The following DDX31 variants were observed in gnomAD, a reference collection of about 807,000 sequenced individuals.
DDX31 encodes the protein DEAD-box helicase 31.
DDX31 carries 70 observed loss-of-function variants against 91.3 expected under a neutral mutation model. That is an observed-to-expected ratio of 0.77 (90% CI 0.63 to 0.94). The LOEUF is 0.94. Among genes scored for constraint, DDX31 ranks in the 40% least tolerant of loss-of-function variants. The probability of loss-of-function intolerance (pLI) is 0.00; values close to 1 mark genes in which losing one functional copy is unlikely to be tolerated. For missense variants in DDX31, 902 were observed against 925.0 expected, an observed-to-expected ratio of 0.98 and a Z score of 0.32; for synonymous variants, 362 against 350.6, an observed-to-expected ratio of 1.03 and a Z score of -0.36.
chr9:132,635,063 T>A (rs994456346), intron 14 of DDX31, among the ~76,000 whole-genome samples: 1 of 152,200 alleles, frequency 6.6e-6, no homozygotes, highest in Non-Finnish European at 1.5e-5. Flanking sequence ...TGGATTTGTC[T>A]AACTGCTTCC....
At chr9:132,606,476 G>A (rs545731682) in intron 19 of DDX31, among the ~76,000 whole-genome samples, 2 of 152,300 alleles carry the variant, frequency 1.3e-5, no homozygotes, top group East Asian at 1.9e-4. Flanking sequence ...TCGTACTCTC[G>A]GTTCCGCGGG....
At chr9:132,631,273 A>G (rs915084657) in intron 15 of DDX31, among the ~76,000 whole-genome samples, 8 of 152,308 alleles carry the variant, frequency 5.3e-5, no homozygotes, top group African/African-American at 1.9e-4. Flanking sequence ...TATTCACAAT[A>G]TAAGCTCTAA....
At chr9:132,639,442 T>C (rs372237461) in intron 14 of DDX31, among the ~76,000 whole-genome samples, 307 of 152,302 alleles carry the variant, frequency 2.0e-3, no homozygotes, top group African/African-American at 6.8e-3. Flanking sequence ...GAAATCAGGC[T>C]GTGGGCGAGG....
intron 18 of DDX31, among the ~76,000 whole-genome samples, chr9:132,612,648 C>G (rs403679): frequency 6.6e-6 from 1 of 152,108 alleles, no homozygotes; most frequent in Non-Finnish European, 1.5e-5. Context: ...CACAGGACAT[C>G]GTTTTCTTAT....
chr9:132,658,524 A>C, intron 6 of DDX31, 147 bp downstream of exon 6: 2 of 713,622 alleles, frequency 2.8e-6, no homozygotes, highest in South Asian at 3.5e-5. Context: ...TAGATACAAC[A>C]CATTTATGCA....
intron 19 of DDX31, 48 bp downstream of exon 19, chr9:132,612,039 G>A: frequency 6.3e-7 from 1 of 1,583,672 alleles, no homozygotes; most frequent in Admixed American, 1.7e-5. Context: ...CACATCATGT[G>A]AACGGAGCTC....
chr9:132,662,766 CCTG>C, intron 1 of DDX31, 71 bp from the exon 2 acceptor site: 2 of 1,587,620 alleles, frequency 1.3e-6, no homozygotes, highest in South Asian at 2.3e-5. Context: ...CGGAGTGAAG[CCTG>C]ACTGCCCACA....
intron 16 of DDX31, among the ~76,000 whole-genome samples, chr9:132,628,694 T>C (rs1032319532): frequency 6.6e-6 from 1 of 152,166 alleles, no homozygotes; most frequent in Non-Finnish European, 1.5e-5. Flanking sequence ...GAAGAGGTCA[T>C]GTTAAAGTGA....
In DDX31 at chr9:132,662,425, G is replaced by A. The variant is rs373819241; in HGVS notation, c.332+14C>T. On this transcript the variant is annotated intron_variant, in intron 2 of 19. Transcript: ENST00000372159. ...ATTTTTTTCTTCCTGAAGGGCATCC[G>A]CCCCTGGACATACCTGTGGAGTTCT... 33 of 1,613,700 alleles carry A rather than the reference G, an allele frequency of 2.0e-5. No individual in the cohort carries two copies. The African/African-American group carries it at 2.4e-4, about 12-fold the overall frequency.
At chr9:132,616,858 C>T (rs143948662) in intron 18 of DDX31, among the ~76,000 whole-genome samples, 187 of 152,272 alleles carry the variant, frequency 1.2e-3, no homozygotes, top group African/African-American at 3.9e-3. Context: ...TGATTTTTAA[C>T]GACAACCAAG....
In DDX31 at chr9:132,594,103, G is replaced by A. The variant is rs187166268; in HGVS notation, c.*763C>T. On this transcript the variant is annotated 3_prime_UTR_variant, in exon 20 of 20. Transcript: ENST00000372159. ...ACCCCCAGACCTTTCTTGAAGACAA[G>A]ACAGGATTCGATAGGGAAAAAAAGC... is the stretch of plus-strand genomic sequence containing the variant. 5 of 152,214 alleles carry A rather than the reference G, an allele frequency of 3.3e-5. No homozygotes were observed. Among genetic ancestry groups the A allele is most frequent in the Admixed American group, 2.0e-4 (3 of 15,296 alleles). 9.4% of individuals were successfully genotyped at this position (152,214 alleles called of 1,614,324 possible).
chr9:132,660,667 T>C (rs965318152), intron 4 of DDX31, among the ~76,000 whole-genome samples: 5 of 152,220 alleles, frequency 3.3e-5, no homozygotes, highest in African/African-American at 1.2e-4. Context: ...TTAATATTCC[T>C]ATTAATTTTT....
At chr9:132,642,684 TCTTA>T (rs925675472) in intron 13 of DDX31, among the ~76,000 whole-genome samples, 3 of 151,670 alleles carry the variant, frequency 2.0e-5, no homozygotes, top group Admixed American at 2.0e-4. Context: ...ATTAACATGC[TCTTA>T]TATAGCAACA....
At chr9:132,669,830 G>A (rs1380744597) in intron 1 of DDX31, 30 bp downstream of exon 1, 3 of 1,550,934 alleles carry the variant, frequency 1.9e-6, no homozygotes, top group East Asian at 4.7e-5. Context: ...CCGCGGGTGG[G>A]GACGGAGCTG....
chr9:132,645,422 CT>C (rs1225006736), intron 13 of DDX31, among the ~76,000 whole-genome samples: 1 of 152,180 alleles, frequency 6.6e-6, no homozygotes, highest in Non-Finnish European at 1.5e-5. Flanking sequence ...AGCGCTGTGT[CT>C]TGTTGACAAT....
In DDX31 at chr9:132,630,323, C is replaced by G. The variant is rs1832643866; in HGVS notation, c.1572G>C (p.Leu524=). ...TARIGCHGSS[L]LILAPSEAEY... is the part of the protein sequence containing the mutation. ...CTGCCTCCGAAGGAGCCAAAATGAG[C>G]AGGCTGCTCCCATGGCAGCCAATCC... The change falls in exon 16 of 20, where the codon CTG becomes CTC. Residue 524 remains leucine, a synonymous_variant. Coordinates refer to ENST00000372159, the MANE Select transcript of DDX31 (RefSeq NM_022779.9). 1 of 1,601,138 alleles carries G rather than the reference C, an allele frequency of 6.2e-7. No homozygotes were observed. Among genetic ancestry groups the G allele is most frequent in the Non-Finnish European group, 8.6e-7 (1 of 1,169,358 alleles).
chr9:132,637,751 A>G (rs1234635153), intron 14 of DDX31: 14 of 930,640 alleles, frequency 1.5e-5, no homozygotes, highest in South Asian at 1.5e-4. Context: ...AACTGGCAAC[A>G]TGAGTTAGCG....
At position 132,612,230 on chromosome 9, in the gene DDX31, G is replaced by A. The variant is rs750991746; in HGVS notation, c.1851C>T (p.Tyr617=). The A allele has an allele frequency of 5.0e-6, 8 of 1,614,194 alleles. No individual in the cohort carries two copies. Among genetic ancestry groups the A allele is most frequent in the Middle Eastern group, 1.6e-4 (1 of 6,062 alleles). Residue 617 remains tyrosine (Y), a synonymous_variant, in exon 19 of 20, where the codon TAC becomes TAT. Transcript: ENST00000372159. ...GCTTCAGCTCCCTGGGGTAGGTGGC[G>A]TAGGCTTGGATGAAGGACTGCAGAG... The part of the protein sequence containing the change: ...KKALQSFIQA[Y]ATYPRELKHI...
In DDX31 at chr9:132,594,704, G is replaced by T; in HGVS notation, c.*162C>A. ...ACCACTGATTTCTATCAGGCTCCAG[G>T]GCCTCCCATGGAGGAGAAGGGCTGT... is the stretch of plus-strand genomic sequence containing the variant. On this transcript the variant is annotated 3_prime_UTR_variant, in exon 20 of 20. Coordinates refer to ENST00000372159, the MANE Select transcript of DDX31 (RefSeq NM_022779.9). 1 of 1,193,706 alleles carries T rather than the reference G, an allele frequency of 8.4e-7. No homozygotes were observed. The highest frequency in any genetic ancestry group is 2.3e-5 in the Admixed American group (1 of 43,156). The allele number at this position is 1,193,706 out of a possible 1,614,324, so 73.9% of individuals were successfully genotyped here. A position where few individuals can be genotyped will look rare whatever the true frequency, so the allele number is the denominator to read the frequency against.
Sources: allele counts gnomAD v4.1 joint callset (sites outside exome capture counted in the v4.1 genomes callset), GRCh38; gene constraint gnomAD v4.1.1; transcripts MANE v1.5; gene names NCBI Gene and HGNC (gene_info 2026-07-23, HGNC 2026-07-21).